Variants in QTMAN observed in about 807,000 individuals in gnomAD.
QTMAN encodes the protein queuosine-tRNA mannosyltransferase.
chr2:143,999,298 A>C, the QTMAN span, among the ~76,000 whole-genome samples: 3 of 151,992 alleles, frequency 2.0e-5, no homozygotes, highest in Non-Finnish European at 4.4e-5. Context: ...CCAGAATTTA[A>C]ATCAGGGAAG....
At chr2:144,116,197 C>A in the QTMAN span, among the ~76,000 whole-genome samples, 5 of 149,532 alleles carry the variant, frequency 3.3e-5, no homozygotes, top group African/African-American at 1.2e-4. Context: ...AAAAAAAAAT[C>A]TGTATTTGCT....
At chr2:143,966,549 G>A in the QTMAN span, among the ~76,000 whole-genome samples, 2,061 of 152,202 alleles carry the variant, frequency 0.014, 19 homozygotes, top group South Asian at 0.022. Flanking sequence ...TGAGGAAAAC[G>A]GACTCCCAGG....
chr2:144,086,764 T>G, the QTMAN span, among the ~76,000 whole-genome samples: 1 of 152,204 alleles, frequency 6.6e-6, no homozygotes, highest in Non-Finnish European at 1.5e-5. Flanking sequence ...AACATCAAGA[T>G]AAGACTGGAT....
the QTMAN span, among the ~76,000 whole-genome samples, chr2:144,076,526 T>C: frequency 6.6e-6 from 1 of 152,132 alleles, no homozygotes; most frequent in Non-Finnish European, 1.5e-5. Context: ...ATTATTAATA[T>C]CATTCCAGGC....
chr2:144,297,712 C>T, the QTMAN span, among the ~76,000 whole-genome samples: 1 of 151,128 alleles, frequency 6.6e-6, no homozygotes, highest in Admixed American at 6.6e-5. Context: ...TCCTAAGTAG[C>T]TGGGACTACA....
chr2:144,092,640 A>G, the QTMAN span, among the ~76,000 whole-genome samples: 1 of 152,200 alleles, frequency 6.6e-6, no homozygotes, highest in Non-Finnish European at 1.5e-5. Context: ...TTGAGAGTAC[A>G]AGTTATTTTT....
chr2:144,177,811 A>G, the QTMAN span, among the ~76,000 whole-genome samples: 1 of 152,194 alleles, frequency 6.6e-6, no homozygotes, highest in African/African-American at 2.4e-5. Context: ...AGCCAGTGAA[A>G]TTTTCTAGTA....
the QTMAN span, among the ~76,000 whole-genome samples, chr2:144,147,905 G>C: frequency 6.6e-6 from 1 of 151,696 alleles, no homozygotes; most frequent in Non-Finnish European, 1.5e-5. Context: ...ATTTGGTAAG[G>C]AATAACCAGA....
At chr2:144,278,085 C>T in the QTMAN span, among the ~76,000 whole-genome samples, 1 of 152,144 alleles carries the variant, frequency 6.6e-6, no homozygotes, top group South Asian at 2.1e-4. Context: ...AAAACTGAAG[C>T]TCTTCATTCA....
the QTMAN span, among the ~76,000 whole-genome samples, chr2:144,058,496 A>C: frequency 6.6e-6 from 1 of 152,224 alleles, no homozygotes; most frequent in Admixed American, 6.5e-5. Flanking sequence ...TTAATAGGTT[A>C]TTATATAAAA....
the QTMAN span, among the ~76,000 whole-genome samples, chr2:143,980,295 T>C: frequency 6.6e-6 from 1 of 152,228 alleles, no homozygotes. Flanking sequence ...TCTGGTTTTC[T>C]GTTCCTGCCT....
the QTMAN span, among the ~76,000 whole-genome samples, chr2:144,064,804 T>C: frequency 6.6e-6 from 1 of 152,224 alleles, no homozygotes; most frequent in Non-Finnish European, 1.5e-5. Flanking sequence ...ACCATGTTAC[T>C]ATGTTACCCC....
the QTMAN span, among the ~76,000 whole-genome samples, chr2:144,287,692 C>T: frequency 1.3e-5 from 2 of 152,090 alleles, no homozygotes; most frequent in Non-Finnish European, 2.9e-5. Flanking sequence ...CAGGGTCACA[C>T]AGGATAGAAG....
the QTMAN span, among the ~76,000 whole-genome samples, chr2:144,003,039 T>A: frequency 6.6e-6 from 1 of 151,980 alleles, no homozygotes; most frequent in African/African-American, 2.4e-5. Flanking sequence ...GAGAATATAG[T>A]TAATTTTCAT....
the QTMAN span, among the ~76,000 whole-genome samples, chr2:144,118,002 C>A: frequency 7.0e-4 from 107 of 152,092 alleles, no homozygotes; most frequent in Non-Finnish European, 1.2e-3. Flanking sequence ...CCCGCCACCA[C>A]GCCCGGCTAA....
At chr2:143,991,740 G>A in the QTMAN span, among the ~76,000 whole-genome samples, 1 of 141,386 alleles carries the variant, frequency 7.1e-6, no homozygotes, top group South Asian at 2.3e-4. Context: ...GAGGTGGGGG[G>A]GTCAGCCCCC....
chr2:144,112,612 C>T, the QTMAN span, among the ~76,000 whole-genome samples: 721 of 152,268 alleles, frequency 4.7e-3, 4 homozygotes, highest in African/African-American at 0.016. Flanking sequence ...AACACCATGG[C>T]GAAAACCACG....
At chr2:144,070,846 G>A in the QTMAN span, among the ~76,000 whole-genome samples, 14 of 152,166 alleles carry the variant, frequency 9.2e-5, no homozygotes, top group South Asian at 2.1e-4. Context: ...GAGCCAAACC[G>A]GGACTCCTCT....
chr2:143,997,261 A>T, the QTMAN span, among the ~76,000 whole-genome samples: 3 of 152,128 alleles, frequency 2.0e-5, no homozygotes, highest in African/African-American at 7.2e-5. Flanking sequence ...ACCCACTCAG[A>T]CATTTTAATA....
Sources: gnomAD v4.1 joint callset for allele counts (sites outside exome capture counted in the v4.1 genomes callset) on GRCh38, gnomAD v4.1.1 for gene constraint, MANE v1.5 for transcripts, NCBI Gene and HGNC (gene_info 2026-07-23, HGNC 2026-07-21) for gene names.